LRRC4C: variants seen among roughly 807,000 people sequenced by gnomAD.
LRRC4C encodes leucine rich repeat containing 4C.
LRRC4C carries 5 observed loss-of-function variants against 33.6 expected under a neutral mutation model. The ratio of observed to expected loss-of-function variants is 0.15; its 90% CI spans 0.08 to 0.31. The LOEUF is 0.31. Ranked by LOEUF, LRRC4C falls within the 10% of genes least tolerant of loss-of-function variation. LRRC4C has a pLI of 1.00. For missense variants in LRRC4C, 560 were observed against 796.7 expected, an observed-to-expected ratio of 0.70 and a Z score of 3.58; for synonymous variants, 329 against 302.0, an observed-to-expected ratio of 1.09 and a Z score of -0.93.
At chr11:40,627,366 G>C (rs1963055048) in intron 3 of LRRC4C, among the ~76,000 whole-genome samples, 1 of 152,024 alleles carries the variant, frequency 6.6e-6, no homozygotes, top group Non-Finnish European at 1.5e-5. Context: ...ATGATTTTCG[G>C]AGTTGGAAAG....
intron 1 of LRRC4C, among the ~76,000 whole-genome samples, chr11:41,446,321 A>G (rs1955825610): frequency 6.6e-6 from 1 of 152,220 alleles, no homozygotes; most frequent in Admixed American, 6.5e-5. Flanking sequence ...ATACGGAGAG[A>G]CTTAAAACAA....
At chr11:40,880,265 T>C (rs946217176) in intron 2 of LRRC4C, among the ~76,000 whole-genome samples, 4 of 152,026 alleles carry the variant, frequency 2.6e-5, no homozygotes, top group Non-Finnish European at 4.4e-5. Context: ...CACCAGAAAC[T>C]AGGATTCAAT....
chr11:41,126,413 A>T (rs1231351773), intron 1 of LRRC4C, among the ~76,000 whole-genome samples: 3 of 152,002 alleles, frequency 2.0e-5, no homozygotes, highest in African/African-American at 7.2e-5. Flanking sequence ...CCTCATTCAC[A>T]TCTGGACCTA....
Position 40,579,861 on chromosome 11 carries a change from G to A in LRRC4C, c.-270+68281C>T, listed in dbSNP as rs148174103. Reference sequence around the variant, plus strand: ...GCTGGAGTGCAGTGGCGCGATCTTCGCTCACTTCAATCCCCATCTCCTGGA... The same window carrying A: ...GCTGGAGTGCAGTGGCGCGATCTTCACTCACTTCAATCCCCATCTCCTGGA... On this transcript the variant is annotated intron_variant, in intron 3 of 6. Coordinates refer to ENST00000528697, the MANE Select transcript of LRRC4C (RefSeq NM_001258419.2). 1.8e-3 allele frequency among the ~76,000 whole-genome samples: 270 copies of A among 152,094 alleles called. 1 individual carries two copies. Among genetic ancestry groups the A allele is most frequent in the African/African-American group, 6.3e-3 (260 of 41,450 alleles).
intron 5 of LRRC4C, among the ~76,000 whole-genome samples, chr11:40,144,396 AT>A (rs1158770483): frequency 4.6e-5 from 7 of 152,160 alleles, no homozygotes; most frequent in Non-Finnish European, 8.8e-5. Context: ...TAAACAACTC[AT>A]CTACTTTTCT....
chr11:40,351,952 A>G (rs146757136), intron 3 of LRRC4C, among the ~76,000 whole-genome samples: 1 of 152,168 alleles, frequency 6.6e-6, no homozygotes, highest in African/African-American at 2.4e-5. Context: ...TGTAGGTAAC[A>G]AATATTTTAA....
chr11:41,415,564 T>C (rs1463220704), intron 1 of LRRC4C, among the ~76,000 whole-genome samples: 2 of 152,130 alleles, frequency 1.3e-5, no homozygotes, highest in Admixed American at 6.6e-5. Flanking sequence ...ATTAGATCCA[T>C]GGTTTTCAAA....
chr11:40,346,083 G>C lies in LRRC4C; in HGVS notation c.-269-26362C>G, dbSNP rs551995622. On this transcript the variant is annotated intron_variant, in intron 3 of 6. Coordinates refer to ENST00000528697, the MANE Select transcript of LRRC4C (RefSeq NM_001258419.2). Reference sequence around the variant, plus strand: ...GGCAAGGTTGTGGAGAAAAAGGAATGCTTATACACTGTTGGTGGGAGTGTA... The same window carrying C: ...GGCAAGGTTGTGGAGAAAAAGGAATCCTTATACACTGTTGGTGGGAGTGTA... Among the ~76,000 whole-genome samples, 11 of 152,252 alleles carry C rather than the reference G, an allele frequency of 7.2e-5. No homozygotes were observed. The South Asian group carries it at 2.1e-3, about 29-fold the overall frequency.
intron 3 of LRRC4C, among the ~76,000 whole-genome samples, chr11:40,464,966 C>T (rs935514033): frequency 6.6e-6 from 1 of 151,854 alleles, no homozygotes; most frequent in Non-Finnish European, 1.5e-5. Context: ...AAAAACAGTT[C>T]TAAAATTAAT....
intron 1 of LRRC4C, among the ~76,000 whole-genome samples, chr11:41,308,570 AAGC>A (rs1950564946): frequency 6.6e-6 from 1 of 152,124 alleles, no homozygotes. Context: ...CAGGCACAAA[AAGC>A]TTGGGCCAAT....
chr11:40,308,870 G>A (rs1335713325), intron 4 of LRRC4C, among the ~76,000 whole-genome samples: 4 of 152,178 alleles, frequency 2.6e-5, no homozygotes, highest in Non-Finnish European at 4.4e-5. Context: ...CATACTTGAA[G>A]CTACTCTGGT....
At chr11:40,582,776 C>A (rs1430899545) in intron 3 of LRRC4C, among the ~76,000 whole-genome samples, 1 of 152,016 alleles carries the variant, frequency 6.6e-6, no homozygotes, top group Non-Finnish European at 1.5e-5. Context: ...CTCGGCCTCC[C>A]AAAGTGCTGG....
chr11:41,290,792 G>A (rs1949970812), intron 1 of LRRC4C, among the ~76,000 whole-genome samples: 1 of 152,102 alleles, frequency 6.6e-6, no homozygotes. Context: ...TTTATGGAGA[G>A]AGATTAAAAC....
chr11:40,413,100 G>T, intron 3 of LRRC4C, among the ~76,000 whole-genome samples: 1 of 152,022 alleles, frequency 6.6e-6, no homozygotes, highest in East Asian at 1.9e-4. Context: ...AAAAGACATA[G>T]TAATTGCCTT....
intron 5 of LRRC4C, among the ~76,000 whole-genome samples, chr11:40,163,930 T>A (rs1212413011): frequency 6.6e-6 from 1 of 152,166 alleles, no homozygotes; most frequent in Non-Finnish European, 1.5e-5. Flanking sequence ...ACTCCCTTGA[T>A]TGGGTTGCAT....
At chr11:40,650,589 T>C (rs147639396) in intron 2 of LRRC4C, among the ~76,000 whole-genome samples, 228 of 152,364 alleles carry the variant, frequency 1.5e-3, no homozygotes, top group African/African-American at 5.2e-3. Context: ...TCAATTAGAT[T>C]GTCAAACCCA....
At chr11:41,038,553 T>G (rs888666838) in intron 1 of LRRC4C, among the ~76,000 whole-genome samples, 4 of 152,190 alleles carry the variant, frequency 2.6e-5, no homozygotes, top group Non-Finnish European at 5.9e-5. Flanking sequence ...GGCACTATCA[T>G]GTACTCTACA....
chr11:40,371,178 C>G (rs1948433667), intron 3 of LRRC4C, among the ~76,000 whole-genome samples: 1 of 152,084 alleles, frequency 6.6e-6, no homozygotes. Flanking sequence ...TTACACTGTT[C>G]ACTTTCTAAT....
At chr11:41,050,750 A>G (rs1293119952) in intron 1 of LRRC4C, among the ~76,000 whole-genome samples, 2 of 152,162 alleles carry the variant, frequency 1.3e-5, no homozygotes, top group Non-Finnish European at 2.9e-5. Context: ...TGCAGTAAAC[A>G]TACGTGTGCA....
Sources: gnomAD v4.1 joint callset for allele counts (sites outside exome capture counted in the v4.1 genomes callset) on GRCh38, gnomAD v4.1.1 for gene constraint, MANE v1.5 for transcripts, NCBI Gene and HGNC (gene_info 2026-07-23, HGNC 2026-07-21) for gene names.